The following IQCH variants were observed in gnomAD, a reference collection of about 807,000 sequenced individuals.
IQCH encodes the protein IQ motif containing H.
Under a neutral mutation model 117.0 loss-of-function variants are expected in IQCH, and 98 were observed. The observed-to-expected ratio is 0.84, with a 90% CI of 0.71 to 0.99. IQCH has a LOEUF of 0.99. Ranked by LOEUF, IQCH falls within the 50% of genes least tolerant of loss-of-function variation. IQCH has a pLI of 0.00. For missense variants in IQCH, 1,102 were observed against 1,243.8 expected (o/e 0.89, Z 1.72); for synonymous variants, 412 against 448.2 (o/e 0.92, Z 1.02).
At position 67,426,824 on chromosome 15, in the gene IQCH, A is replaced by T. The variant is rs1342563066; in HGVS notation, c.2505+5247A>T. Among the ~76,000 whole-genome samples the T allele has an allele frequency of 2.6e-5, 4 of 151,968 alleles. No individual in the cohort carries two copies. Among genetic ancestry groups the T allele is most frequent in the East Asian group, 1.9e-4 (1 of 5,178 alleles). The stretch of plus-strand genomic sequence containing the variant: ...TCCAGTCTCTACCAAAAAAATTTTT[A>T]AAATAAACAAAATTAGCCAAGCATA... On this transcript the variant is annotated intron_variant, in intron 16 of 20. Transcript: ENST00000335894. The surrounding 1 kb of genome is among the most constrained non-coding windows in gnomAD (Gnocchi z 5.1).
intron 4 of IQCH, among the ~76,000 whole-genome samples, chr15:67,289,998 C>G (rs1966697764): frequency 6.6e-6 from 1 of 152,094 alleles, no homozygotes; most frequent in African/African-American, 2.4e-5. Context: ...ATCATGATGA[C>G]AGACTGTTTT....
intron 12 of IQCH, among the ~76,000 whole-genome samples, chr15:67,389,878 A>C (rs913092198): frequency 4.7e-4 from 72 of 152,030 alleles, no homozygotes; most frequent in African/African-American, 1.7e-3. Flanking sequence ...TTGACCAAAA[A>C]AAAAAAAAAA....
At chr15:67,396,846 T>C (rs1971486327) in intron 13 of IQCH, among the ~76,000 whole-genome samples, 1 of 152,246 alleles carries the variant, frequency 6.6e-6, no homozygotes, top group Non-Finnish European at 1.5e-5. Flanking sequence ...AGTTTGAAGA[T>C]ACTATTAGCT....
At chr15:67,360,971 A>C (rs1195068687) in intron 8 of IQCH, among the ~76,000 whole-genome samples, 1 of 152,258 alleles carries the variant, frequency 6.6e-6, no homozygotes, top group African/African-American at 2.4e-5. Context: ...ACGAACAGTA[A>C]GGCATTATTT....
Position 67,435,168 on chromosome 15 carries a change from T to C in IQCH, c.2505+13591T>C, listed in dbSNP as rs77820917. The stretch of plus-strand genomic sequence containing the variant: ...CTGCACCCAGCCTTCTTTTGTCTTT[T>C]TGATAATAGCCATCTGAAGAGGTGT... On this transcript the variant is annotated intron_variant, in intron 16 of 20. Transcript: ENST00000335894. Among the ~76,000 whole-genome samples the C allele has an allele frequency of 5.6e-3, 854 of 152,144 alleles. 8 individuals are homozygous for C. The highest frequency in any genetic ancestry group is 0.04 in the East Asian group (208 of 5,154).
chr15:67,313,450 TC>T (rs1364765520), intron 4 of IQCH, among the ~76,000 whole-genome samples: 1 of 152,170 alleles, frequency 6.6e-6, no homozygotes, highest in Non-Finnish European at 1.5e-5. Flanking sequence ...CTCATTTGGT[TC>T]CTTGTGGAAC....
At position 67,400,163 on chromosome 15, in the gene IQCH, G is replaced by C. The variant is rs769242387; in HGVS notation, c.1955G>C (p.Arg652Pro). Residue 652 changes from arginine to proline, a missense_variant, in exon 14 of 21, where the codon CGT (arginine) becomes CCT (proline). Transcript: ENST00000335894. ...QLITDHLQIQ[R>P]WLFKMDSEFR... is the part of the protein sequence containing the mutation. ...ATAACTGATCACCTGCAAATACAGC[G>C]TTGGCTCTTTAAAATGGACTCTGAG... The C allele has an allele frequency of 1.2e-6, 2 of 1,613,872 alleles. No individual in the cohort carries two copies. The highest frequency in any genetic ancestry group is 1.7e-6 in the Non-Finnish European group (2 of 1,179,862).
intron 13 of IQCH, among the ~76,000 whole-genome samples, chr15:67,399,492 G>C (rs1160709700): frequency 1.3e-5 from 2 of 152,134 alleles, no homozygotes; most frequent in African/African-American, 4.8e-5. Context: ...ATGTCAAGTA[G>C]GTGTGTATTC....
At chr15:67,441,122 C>CAAAAAAAA (rs200254535) in intron 16 of IQCH, among the ~76,000 whole-genome samples, 17 of 54,002 alleles carry the variant, frequency 3.1e-4, no homozygotes, top group Non-Finnish European at 4.8e-4. Flanking sequence ...GCAATAGCTG[C>CAAAAAAAA]AAAAAAAAAA....
intron 4 of IQCH, among the ~76,000 whole-genome samples, chr15:67,296,269 T>C (rs531967627): frequency 7.0e-4 from 107 of 152,190 alleles, no homozygotes; most frequent in African/African-American, 2.6e-3. Flanking sequence ...CAAGTTTGAA[T>C]AAAAGTGTGA....
At position 67,425,802 on chromosome 15, in the gene IQCH, T is replaced by C. The variant is rs2140930090; in HGVS notation, c.2505+4225T>C. Among the ~76,000 whole-genome samples the C allele has an allele frequency of 6.6e-6, 1 of 152,284 alleles. No homozygotes were observed. The highest frequency in any genetic ancestry group is 2.1e-4 in the South Asian group (1 of 4,818). ...TTCTGTGGAAAATTTTCTGGTAAAA[T>C]TTTGTGTAGAAATTTCTGGCAATCT... On this transcript the variant is annotated intron_variant, in intron 16 of 20. Transcript: ENST00000335894. This position sits in a 1 kb window ranked among gnomAD's most constrained non-coding sequence, Gnocchi z 5.5.
At chr15:67,373,658 GA>G in intron 10 of IQCH, 1 of 620,926 alleles carries the variant, frequency 1.6e-6, no homozygotes, top group Non-Finnish European at 2.8e-6. Flanking sequence ...ATTCAGTGGA[GA>G]GGTGATTTGC....
At chr15:67,292,045 G>T (rs1966767477) in intron 4 of IQCH, among the ~76,000 whole-genome samples, 1 of 152,078 alleles carries the variant, frequency 6.6e-6, no homozygotes, top group Admixed American at 6.6e-5. Flanking sequence ...TGAGAGTGAA[G>T]CCCTCATGAG....
intron 4 of IQCH, among the ~76,000 whole-genome samples, chr15:67,296,210 A>T (rs149279247): frequency 6.6e-6 from 1 of 152,320 alleles, no homozygotes; most frequent in Non-Finnish European, 1.5e-5. Context: ...AGAAAGAGAG[A>T]TAGAGGTTGG....
rs762151832 is a variant in IQCH at position 67,456,255 on chromosome 15, C to G, written c.2506-8872C>G. 6.6e-6 allele frequency among the ~76,000 whole-genome samples: 1 copy of G among 152,136 alleles called. No homozygotes were observed. The highest frequency in any genetic ancestry group is 6.5e-5 in the Admixed American group (1 of 15,274). ...CTCAAATTAATTTTAGATATAGTTT[C>G]TGCATATCATGAACGAATTTCCAAA... On this transcript the variant is annotated intron_variant, in intron 16 of 20. Transcript: ENST00000335894. This position sits in a 1 kb window ranked among gnomAD's most constrained non-coding sequence, Gnocchi z 5.1.
Position 67,337,047 on chromosome 15 carries a change from G to A in IQCH, c.460G>A (p.Asp154Asn). The change falls in exon 5 of 21, where the codon GAT becomes AAT. Residue 154 changes from aspartate to asparagine, a missense_variant. This residue lies in a region of IQCH where 452 missense variants were observed against 449.6 expected (regional missense o/e 1.01). Transcript: ENST00000335894. ...LTVLPSSHCTDPYFTPIPVLQ... is the reference protein window; with the variant it reads ...LTVLPSSHCTNPYFTPIPVLQ... ...GGTTCTGCCATCTTCTCATTGCACA[G>A]ATCCCTATTTCACTCCTATACCAGT... 6.2e-7 allele frequency: 1 copy of A among 1,613,622 alleles called. No individual in the cohort carries two copies.
At chr15:67,423,720 G>T (rs2081811241) in intron 16 of IQCH, among the ~76,000 whole-genome samples, 1 of 151,798 alleles carries the variant, frequency 6.6e-6, no homozygotes, top group African/African-American at 2.4e-5. Context: ...CAGGCGTGAT[G>T]GTGGATGCCT....
At chr15:67,317,369 A>G (rs949064309) in intron 4 of IQCH, among the ~76,000 whole-genome samples, 1 of 151,672 alleles carries the variant, frequency 6.6e-6, no homozygotes, top group African/African-American at 2.4e-5. Flanking sequence ...TGCCCAGCTA[A>G]TTTCTGTATT....
chr15:67,307,515 G>A (rs537221085), intron 4 of IQCH, among the ~76,000 whole-genome samples: 70 of 149,032 alleles, frequency 4.7e-4, no homozygotes, highest in African/African-American at 1.7e-3. Context: ...GGGGGTGGGG[G>A]TAGGGAGTGG....
Sources: allele counts gnomAD v4.1 joint callset (sites outside exome capture counted in the v4.1 genomes callset), GRCh38; gene constraint gnomAD v4.1.1; regional missense constraint gnomAD v4.1.1; non-coding constraint Gnocchi (gnomAD v3.1); transcripts MANE v1.5; gene names NCBI Gene and HGNC (gene_info 2026-07-23, HGNC 2026-07-21).